ODR4: variants seen among roughly 807,000 people sequenced by gnomAD.
ODR4 encodes protein odr-4 homolog.
In ODR4, 47 loss-of-function variants were observed where a neutral mutation model predicts 60.2. The ratio of observed to expected loss-of-function variants is 0.78; its 90% CI spans 0.62 to 1.00. The LOEUF (loss-of-function observed/expected upper bound fraction) is 1.00. Ranked by LOEUF, ODR4 falls within the 50% of genes least tolerant of loss-of-function variation. ODR4 has a pLI of 0.00. For synonymous variants in ODR4, 178 were observed against 175.5 expected (o/e 1.01, Z -0.11); for missense variants, 488 against 530.8 (o/e 0.92, Z 0.79).
At chr1:186,386,633 T>C (rs1056966079) in intron 4 of ODR4, among the ~76,000 whole-genome samples, 3 of 152,186 alleles carry the variant, frequency 2.0e-5, no homozygotes, top group African/African-American at 4.8e-5. Flanking sequence ...TAAAATAATC[T>C]TTATTTTAGA....
At chr1:186,392,179 G>A (rs116158978) in intron 8 of ODR4, among the ~76,000 whole-genome samples, 2,423 of 152,300 alleles carry the variant, frequency 0.016, 40 homozygotes, top group Middle Eastern at 0.048. Context: ...CTTATAAACC[G>A]TTGGTGGGAG....
chr1:186,383,116 A>T lies in ODR4; in HGVS notation c.194A>T (p.Asp65Val), dbSNP rs375283889. 9.0e-6 allele frequency: 14 copies of T among 1,557,040 alleles called. No homozygotes were observed. The African/African-American group carries it at 1.5e-4, about 17-fold the overall frequency. Residue 65 changes from aspartate (D) to valine (V), a missense_variant, in exon 3 of 14, where the codon GAT becomes GTT. Coordinates refer to ENST00000287859, the MANE Select transcript of ODR4 (RefSeq NM_017847.6). Reference protein sequence around the residue: ...ENLKHPKAKLDNLDEEWATEH... With the variant: ...ENLKHPKAKLVNLDEEWATEH... The stretch of plus-strand genomic sequence containing the variant: ...CTCAAACATCCCAAAGCTAAGTTGG[A>T]TAACTTGGATGAAGAATGGGCCACA...
intron 9 of ODR4, 30 bp downstream of exon 9, chr1:186,394,045 TTTA>T: frequency 8.8e-7 from 1 of 1,138,396 alleles, no homozygotes; most frequent in Non-Finnish European, 1.3e-6. Flanking sequence ...ACTTAAAATA[TTTA>T]TTAGCATAAC....
At chr1:186,384,660 A>G (rs1011403473) in intron 3 of ODR4, among the ~76,000 whole-genome samples, 2 of 152,016 alleles carry the variant, frequency 1.3e-5, no homozygotes, top group African/African-American at 4.8e-5. Context: ...TCTAGAAAGA[A>G]AAGGTTAATT....
At chr1:186,395,862 A>C (rs995166566) in intron 9 of ODR4, among the ~76,000 whole-genome samples, 2 of 151,952 alleles carry the variant, frequency 1.3e-5, no homozygotes, top group African/African-American at 4.8e-5. Flanking sequence ...TGATTATGGT[A>C]CTCCTTGCTC....
intron 13 of ODR4, among the ~76,000 whole-genome samples, chr1:186,418,163 G>C (rs1661645627): frequency 6.6e-6 from 1 of 152,176 alleles, no homozygotes; most frequent in Non-Finnish European, 1.5e-5. Flanking sequence ...ACTTCTGACT[G>C]AGAGTTAGGA....
Position 186,419,199 on chromosome 1 carries a change from T to TAGG in ODR4, c.*124_*125insGGA. The TAGG allele has an allele frequency of 1.2e-6, 1 of 836,108 alleles. No homozygotes were observed. The highest frequency in any genetic ancestry group is 1.9e-6 in the Non-Finnish European group (1 of 518,142). The allele number at this position is 836,108 out of a possible 1,614,324, so 51.8% of individuals were successfully genotyped here. On this transcript the variant is annotated 3_prime_UTR_variant, in exon 14 of 14. Transcript: ENST00000287859. Reference sequence around the variant, plus strand: ...CAGCCAGATCTGCTGCCATGATGCCTATTTGGTGTGTTTCTGATTAAAATG... The same window carrying TAGG: ...CAGCCAGATCTGCTGCCATGATGCCTAGGATTTGGTGTGTTTCTGATTAAAATG...
chr1:186,430,147 T>G, the ODR4 span, among the ~76,000 whole-genome samples: 1 of 152,126 alleles, frequency 6.6e-6, no homozygotes, highest in South Asian at 2.1e-4. Context: ...TTATTATTCA[T>G]AAGGACACAT....
intron 4 of ODR4, 37 bp downstream of exon 4, chr1:186,386,120 G>A (rs1336285664): frequency 1.7e-6 from 2 of 1,199,612 alleles, no homozygotes; most frequent in East Asian, 2.6e-5. Context: ...AATGAAATCA[G>A]TTATATGTTA....
At chr1:186,387,523 C>G (rs1282506738) in intron 4 of ODR4, among the ~76,000 whole-genome samples, 1 of 152,156 alleles carries the variant, frequency 6.6e-6, no homozygotes, top group Non-Finnish European at 1.5e-5. Flanking sequence ...AATGCTTTAT[C>G]TCTGACATTA....
At chr1:186,400,945 A>G (rs1434786668) in intron 11 of ODR4, 41 of 1,207,786 alleles carry the variant, frequency 3.4e-5, no homozygotes, top group South Asian at 1.3e-5. Context: ...TTGCAATTTG[A>G]CTTTGAGTTT....
rs546765307 is a variant in ODR4 at position 186,389,601 on chromosome 1, A to G, written c.451A>G (p.Thr151Ala). 1.0e-5 allele frequency: 16 copies of G among 1,540,916 alleles called. No individual in the cohort carries two copies. The South Asian group carries it at 1.9e-4, about 19-fold the overall frequency. Residue 151 changes from threonine to alanine, a missense_variant, in exon 6 of 14, where the codon ACT becomes GCT. Physicochemically the swap from Thr to Ala is moderately conservative, Grantham distance 58. Coordinates refer to ENST00000287859, the MANE Select transcript of ODR4 (RefSeq NM_017847.6). ...CASTKKIFCR[T>A]YDIHDPKSSA... ...TAATTAGTGAAGAATATTTTGTCGA[A>G]CTTATGATATCCATGATCCAAAGGT...
intron 11 of ODR4, among the ~76,000 whole-genome samples, chr1:186,402,224 T>TTCTTTCTTTCTTTCTTTCTG: frequency 6.7e-6 from 1 of 150,312 alleles, no homozygotes; most frequent in Admixed American, 6.6e-5. Flanking sequence ...CTTTCTTTCT[T>TTCTTTCTTTCTTTCTTTCTG]TCTTTCTTTC....
At chr1:186,387,732 C>A (rs1479994005) in intron 4 of ODR4, among the ~76,000 whole-genome samples, 1 of 152,166 alleles carries the variant, frequency 6.6e-6, no homozygotes, top group African/African-American at 2.4e-5. Flanking sequence ...TTTTAGCTTA[C>A]AGACCATGTG....
Position 186,390,748 on chromosome 1 carries a change from G to T in ODR4, c.512G>T (p.Gly171Val), listed in dbSNP as rs1660437786. ...CCAGCAGATTGGAAGTATCAAAGTG[G>T]ATTATCATCCTCATGGCTTTCTTTA... ...ARPADWKYQS[G>V]LSSSWLSLEC... Residue 171 changes from glycine to valine, a missense_variant, in exon 7 of 14, where the codon GGA becomes GTA. Physicochemically the swap from Gly to Val is moderately radical, Grantham distance 109. Coordinates refer to ENST00000287859, the MANE Select transcript of ODR4 (RefSeq NM_017847.6). The T allele has an allele frequency of 6.2e-7, 1 of 1,613,426 alleles. No homozygotes were observed. The highest frequency in any genetic ancestry group is 8.5e-7 in the Non-Finnish European group (1 of 1,179,594).
At chr1:186,398,087 T>C (rs1340638385) in intron 9 of ODR4, among the ~76,000 whole-genome samples, 1 of 152,196 alleles carries the variant, frequency 6.6e-6, no homozygotes, top group Non-Finnish European at 1.5e-5. Context: ...AAAATTTAGA[T>C]GTAGTTGTGT....
chr1:186,432,074 G>T, the ODR4 span, among the ~76,000 whole-genome samples: 50,573 of 151,974 alleles, frequency 0.33, 9,271 homozygotes, highest in African/African-American at 0.48. Context: ...TTACCTCAGT[G>T]GGAACAAGTT....
intron 12 of ODR4, 160 bp from the exon 13 acceptor site, chr1:186,417,384 T>C: frequency 1.7e-6 from 1 of 597,268 alleles, no homozygotes; most frequent in Non-Finnish European, 3.0e-6. Flanking sequence ...TAAATTTAAT[T>C]CACCTACAAT....
At chr1:186,418,806 A>G (rs1256957794) in intron 13 of ODR4, among the ~76,000 whole-genome samples, 1 of 152,224 alleles carries the variant, frequency 6.6e-6, no homozygotes, top group Non-Finnish European at 1.5e-5. Context: ...AACATTTGAA[A>G]TCTAGTTTTT....
Sources: gnomAD v4.1 joint callset for allele counts (sites outside exome capture counted in the v4.1 genomes callset) on GRCh38, gnomAD v4.1.1 for gene constraint, MANE v1.5 for transcripts, NCBI Gene and HGNC (gene_info 2026-07-23, HGNC 2026-07-21) for gene names.